The following IARS1 variants were observed in gnomAD, a reference collection of about 807,000 sequenced individuals.
IARS1 encodes the protein isoleucyl-tRNA synthetase 1.
Under a neutral mutation model 168.2 loss-of-function variants are expected in IARS1, and 124 were observed. The observed-to-expected ratio is 0.74, with a 90% CI of 0.64 to 0.86. The LOEUF is 0.86. Among genes scored for constraint, IARS1 ranks in the 40% least tolerant of loss-of-function variants. IARS1 has a pLI of 0.00. For synonymous variants in IARS1, 532 were observed against 529.4 expected, an observed-to-expected ratio of 1.00 and a Z score of -0.07; for missense variants, 1,452 against 1,515.8, an observed-to-expected ratio of 0.96 and a Z score of 0.70.
At chr9:92,249,768 T>TTATA (rs1829740940) in intron 25 of IARS1, 90 bp downstream of exon 25, 1 of 643,712 alleles carries the variant, frequency 1.6e-6, no homozygotes, top group African/African-American at 1.8e-5. Context: ...TAAAAATAAA[T>TTATA]TATAGAGTCA....
chr9:92,240,300 G>T, intron 30 of IARS1: 1 of 199,394 alleles, frequency 5.0e-6, no homozygotes, highest in African/African-American at 2.4e-5. Context: ...GTCTTGCTTT[G>T]TCACCCAGGC....
chr9:92,228,082 C>T (rs1826047655), intron 31 of IARS1, among the ~76,000 whole-genome samples: 1 of 152,150 alleles, frequency 6.6e-6, no homozygotes, highest in African/African-American at 2.4e-5. Context: ...GTCTGCAATC[C>T]CGGCACCTCA....
chr9:92,210,584 C>G lies in IARS1; in HGVS notation c.*223G>C, dbSNP rs896096139. The G allele has an allele frequency of 1.8e-5, 8 of 444,832 alleles. No homozygotes were observed. The highest frequency in any genetic ancestry group is 1.1e-4 in the Admixed American group (3 of 26,736). 27.6% of individuals were successfully genotyped at this position (444,832 alleles called of 1,614,324 possible). The stretch of plus-strand genomic sequence containing the variant: ...CTGAAGTAACATTGTAACCTGCTCC[C>G]AACATGACTGCATAGGTGTCTAAGG... On this transcript the variant is annotated 3_prime_UTR_variant, in exon 34 of 34. Coordinates refer to ENST00000443024, the MANE Select transcript of IARS1 (RefSeq NM_002161.6).
At chr9:92,242,547 T>C in intron 28 of IARS1, 1 of 533,706 alleles carries the variant, frequency 1.9e-6, no homozygotes, top group South Asian at 2.6e-5. Flanking sequence ...TAGGGCATGT[T>C]TCTTTTCCTA....
intron 13 of IARS1, among the ~76,000 whole-genome samples, chr9:92,269,403 A>G (rs758123490): frequency 1.3e-5 from 2 of 152,222 alleles, no homozygotes; most frequent in Non-Finnish European, 2.9e-5. Context: ...CACCTGCAGG[A>G]CACATATCAG....
chr9:92,212,710 T>A (rs995349692), intron 33 of IARS1, among the ~76,000 whole-genome samples: 5 of 152,202 alleles, frequency 3.3e-5, no homozygotes, highest in Non-Finnish European at 5.9e-5. Context: ...TATTAGATGA[T>A]CTTTACTACC....
intron 14 of IARS1, among the ~76,000 whole-genome samples, chr9:92,265,825 T>G (rs1315973710): frequency 6.6e-6 from 1 of 151,860 alleles, no homozygotes. Context: ...ACCCAGCTAA[T>G]TTTTTGTATT....
Position 92,274,443 on chromosome 9 carries a change from C to T in IARS1, c.973G>A (p.Ala325Thr), listed in dbSNP as rs574964056. Reference protein sequence around the residue: ...EEEGTGVVHQAPYFGAEDYRV... With the variant: ...EEEGTGVVHQTPYFGAEDYRV... ...CTACTCACAGCACCGAAGTAAGGAGCTTGGTGGACAACCCCTGTGCCTTCT... is the reference window on the plus strand; with the variant it reads ...CTACTCACAGCACCGAAGTAAGGAGTTTGGTGGACAACCCCTGTGCCTTCT... The change falls in exon 10 of 34, where the codon GCT (alanine) becomes ACT (threonine). Residue 325 changes from alanine (A) to threonine (T), a missense_variant. Ala to Thr is a moderately conservative substitution (Grantham distance 58). Coordinates refer to ENST00000443024, the MANE Select transcript of IARS1 (RefSeq NM_002161.6). 34 of 1,613,782 alleles carry T rather than the reference C, an allele frequency of 2.1e-5. 1 individual carries two copies. In the Admixed American group the frequency reaches 5.5e-4, roughly 26 times the overall value.
At chr9:92,257,723 A>G (rs1213468006) in intron 19 of IARS1, among the ~76,000 whole-genome samples, 1 of 152,238 alleles carries the variant, frequency 6.6e-6, no homozygotes, top group African/African-American at 2.4e-5. Context: ...TGGGATAACA[A>G]GAGTTCATTT....
chr9:92,233,303 T>C (rs542547532), intron 30 of IARS1, among the ~76,000 whole-genome samples: 4 of 152,370 alleles, frequency 2.6e-5, no homozygotes, highest in African/African-American at 4.8e-5. Flanking sequence ...TCCTTGTCAA[T>C]TGCAACATTA....
At chr9:92,272,350 A>G (rs898534533) in intron 10 of IARS1, among the ~76,000 whole-genome samples, 1 of 152,234 alleles carries the variant, frequency 6.6e-6, no homozygotes, top group Non-Finnish European at 1.5e-5. Flanking sequence ...ATGTGGGTAG[A>G]CAGGAAAAGC....
chr9:92,288,558 CA>C (rs1835815559), intron 2 of IARS1, among the ~76,000 whole-genome samples: 2 of 152,136 alleles, frequency 1.3e-5, no homozygotes, highest in African/African-American at 4.8e-5. Flanking sequence ...TGAGTTATCT[CA>C]TCAGTAAAAT....
intron 31 of IARS1, among the ~76,000 whole-genome samples, chr9:92,224,098 C>A (rs1352490457): frequency 6.6e-6 from 1 of 152,208 alleles, no homozygotes; most frequent in Non-Finnish European, 1.5e-5. Flanking sequence ...TGGCTAGATG[C>A]TCATGCTCAG....
chr9:92,210,434 A>G lies in IARS1; in HGVS notation c.*373T>C, dbSNP rs1410510394. On this transcript the variant is annotated 3_prime_UTR_variant, in exon 34 of 34. Coordinates refer to ENST00000443024, the MANE Select transcript of IARS1 (RefSeq NM_002161.6). ...AATCCAGGTGGCAGAAATATATAAT[A>G]TGTCCATTTCATCAAGAGGTCTCAA... is the stretch of plus-strand genomic sequence containing the variant. The G allele has an allele frequency of 1.9e-5, 3 of 158,802 alleles. No homozygotes were observed. The highest frequency in any genetic ancestry group is 3.1e-3 in the Middle Eastern group (1 of 320). The allele number at this position is 158,802 out of a possible 1,614,324, so 9.8% of individuals were successfully genotyped here.
chr9:92,273,236 A>G (rs1042092713), intron 10 of IARS1, among the ~76,000 whole-genome samples: 3 of 152,160 alleles, frequency 2.0e-5, no homozygotes, highest in Non-Finnish European at 4.4e-5. Context: ...TGACCCTAAA[A>G]TGATTATGAA....
At chr9:92,281,366 G>T (rs10761152) in intron 6 of IARS1, among the ~76,000 whole-genome samples, 88,724 of 151,808 alleles carry the variant, frequency 0.58, 28,486 homozygotes, top group African/African-American at 0.86. Flanking sequence ...ACTCCTGACC[G>T]CAGGTGATCC....
chr9:92,252,010 G>C, intron 21 of IARS1, 125 bp from the exon 22 acceptor site: 2 of 718,162 alleles, frequency 2.8e-6, no homozygotes, highest in Non-Finnish European at 2.3e-6. Flanking sequence ...ACATGAGACA[G>C]AGAAAGGAGA....
chr9:92,280,535 T>C (rs2133940686), intron 7 of IARS1, among the ~76,000 whole-genome samples: 1 of 152,356 alleles, frequency 6.6e-6, no homozygotes, highest in South Asian at 2.1e-4. Flanking sequence ...AAATTTTATG[T>C]TCTACTTTTT....
At chr9:92,235,006 A>G (rs1220048763) in intron 30 of IARS1, among the ~76,000 whole-genome samples, 2 of 151,598 alleles carry the variant, frequency 1.3e-5, no homozygotes, top group East Asian at 3.9e-4. Context: ...ATCACACCTA[A>G]TTCTTTATAT....
Sources: allele counts gnomAD v4.1 joint callset (sites outside exome capture counted in the v4.1 genomes callset), GRCh38; gene constraint gnomAD v4.1.1; transcripts MANE v1.5; gene names NCBI Gene and HGNC (gene_info 2026-07-23, HGNC 2026-07-21).